The following ERMARD variants were observed in gnomAD, a reference collection of about 807,000 sequenced individuals.
ERMARD encodes the protein endoplasmic reticulum membrane-associated RNA degradation protein.
ERMARD carries 71 observed loss-of-function variants against 83.9 expected under a neutral mutation model. The observed-to-expected ratio is 0.85, with a 90% CI of 0.70 to 1.03. The LOEUF (loss-of-function observed/expected upper bound fraction) is 1.03. ERMARD is among the 50% of genes least tolerant of loss of function. The probability of loss-of-function intolerance (pLI) is 0.00; values close to 1 mark genes in which losing one functional copy is unlikely to be tolerated. For missense variants in ERMARD, 838 were observed against 810.9 expected (o/e 1.03, Z -0.41); for synonymous variants, 284 against 298.6 (o/e 0.95, Z 0.50).
At chr6:169,766,810 G>T in intron 10 of ERMARD, 143 bp downstream of exon 10, 2 of 871,800 alleles carry the variant, frequency 2.3e-6, no homozygotes, top group South Asian at 6.3e-5. Flanking sequence ...ACCAAAAAAA[G>T]CTGATAATTG....
In ERMARD at chr6:169,755,277, T is replaced by A. The variant is rs756209915; in HGVS notation, c.176-6T>A. On this transcript the variant is annotated splice_region_variant and splice_polypyrimidine_tract_variant and intron_variant, in intron 2 of 17. Transcript: ENST00000366773. The stretch of plus-strand genomic sequence containing the variant: ...GGTGCTGAAATTTGTTTTCTTATCC[T>A]TTAAGAGCAGGGTCTGGATTACTGG... The A allele has an allele frequency of 6.2e-7, 1 of 1,613,408 alleles. No individual in the cohort carries two copies. Among genetic ancestry groups the A allele is most frequent in the Non-Finnish European group, 8.5e-7 (1 of 1,179,790 alleles).
intron 16 of ERMARD, among the ~76,000 whole-genome samples, chr6:169,777,865 G>A (rs1046867266): frequency 6.6e-6 from 1 of 151,862 alleles, no homozygotes; most frequent in African/African-American, 2.4e-5. Context: ...TCGAGCACTT[G>A]TATGATTATG....
chr6:169,760,875 T>A, intron 8 of ERMARD, 119 bp downstream of exon 8: 1 of 622,080 alleles, frequency 1.6e-6, no homozygotes, highest in Non-Finnish European at 2.8e-6. Flanking sequence ...CTGGACTGAC[T>A]TGAGCAGACC....
intron 9 of ERMARD, among the ~76,000 whole-genome samples, 171 bp from the exon 10 acceptor site, chr6:169,766,467 G>C (rs1269306882): frequency 2.0e-5 from 3 of 152,116 alleles, no homozygotes; most frequent in Non-Finnish European, 4.4e-5. Context: ...TTTGTAATGT[G>C]TTTATTTTGT....
In ERMARD at chr6:169,753,931, G is replaced by A. The variant is rs1457376809; in HGVS notation, c.74G>A (p.Gly25Glu). The change falls in exon 2 of 18, where the codon GGG (glycine) becomes GAG (glutamate). Residue 25 changes from glycine (G) to glutamate (E), a missense_variant. Coordinates refer to ENST00000366773, the MANE Select transcript of ERMARD (RefSeq NM_018341.3). ...PSVYDIICNL[G>E]FQLRENCDIN... Reference sequence around the variant, plus strand: ...GTGTATGATATAATTTGTAATCTTGGGTTTCAACTCAGAGAAAATTGTGAT... The same window carrying A: ...GTGTATGATATAATTTGTAATCTTGAGTTTCAACTCAGAGAAAATTGTGAT... The A allele has an allele frequency of 6.2e-7, 1 of 1,612,926 alleles. No individual in the cohort carries two copies. Among genetic ancestry groups the A allele is most frequent in the Non-Finnish European group, 8.5e-7 (1 of 1,179,464 alleles).
intron 1 of ERMARD, 147 bp from the exon 2 acceptor site, chr6:169,753,717 A>G: frequency 2.0e-6 from 1 of 501,498 alleles, no homozygotes; most frequent in Non-Finnish European, 3.4e-6. Flanking sequence ...ACTATGTTTT[A>G]ATCATACAGC....
At chr6:169,751,564 G>T, upstream of ERMARD, 1 of 1,609,424 alleles carries the variant, frequency 6.2e-7, no homozygotes, top group Non-Finnish European at 8.5e-7. Context: ...GCCTCGTACG[G>T]TAGGAAGTGC....
chr6:169,776,667 G>A lies in ERMARD; in HGVS notation c.1733G>A (p.Trp578Ter), dbSNP rs750125522. The A allele has an allele frequency of 4.3e-6, 7 of 1,613,536 alleles. No individual in the cohort carries two copies. In the South Asian group the frequency reaches 7.7e-5, roughly 18 times the overall value. ...CAGCGGCAGAACTACCTGCGTATGTGGAGTAGGTGCGCGCTCACTTTCCTG... is the reference window on the plus strand; with the variant it reads ...CAGCGGCAGAACTACCTGCGTATGTAGAGTAGGTGCGCGCTCACTTTCCTG... ...SRQRQNYLRM[W>*]SSIRLLSPVL... Residue 578 changes from tryptophan (W) to a stop codon, truncating the protein, a stop_gained, in exon 16 of 18, where the codon TGG becomes TAG. Transcript: ENST00000366773. LOFTEE classifies it high-confidence loss of function.
intron 13 of ERMARD, among the ~76,000 whole-genome samples, chr6:169,774,670 C>G (rs1282795033): frequency 6.6e-6 from 1 of 152,216 alleles, no homozygotes; most frequent in Non-Finnish European, 1.5e-5. Context: ...GTGTCAGCAG[C>G]CACCGTTGTA....
In ERMARD at chr6:169,773,676, T is replaced by C. The variant is rs1793247053; in HGVS notation, c.1317+274T>C. 2.6e-5 allele frequency among the ~76,000 whole-genome samples: 4 copies of C among 152,360 alleles called. 1 individual carries two copies. In the Middle Eastern group the frequency reaches 0.014, roughly 518 times the overall value. ...GATGAGCACTGGGAAGTGTTTTTGCTGAGTCCCCTGGCAGGCTGTTATTGC... is the reference window on the plus strand; with the variant it reads ...GATGAGCACTGGGAAGTGTTTTTGCCGAGTCCCCTGGCAGGCTGTTATTGC... On this transcript the variant is annotated intron_variant, in intron 13 of 17. Transcript: ENST00000366773.
intron 6 of ERMARD, among the ~76,000 whole-genome samples, chr6:169,759,618 C>T (rs955463948): frequency 4.6e-5 from 7 of 152,192 alleles, no homozygotes; most frequent in Non-Finnish European, 1.0e-4. Context: ...GATAGGATTT[C>T]ACCTTGTTGC....
At chr6:169,766,248 T>C (rs1792192323) in intron 9 of ERMARD, among the ~76,000 whole-genome samples, 1 of 152,210 alleles carries the variant, frequency 6.6e-6, no homozygotes, top group Non-Finnish European at 1.5e-5. Flanking sequence ...TGAAATAAAA[T>C]AAAAACAGAC....
Position 169,760,683 on chromosome 6 carries a change from A to G in ERMARD, c.784A>G (p.Met262Val). ...GCTTTCAGTATTAGAAGAAGTGATGATGAAATCTGCTTTTATATTAAAAAT... is the reference window on the plus strand; with the variant it reads ...GCTTTCAGTATTAGAAGAAGTGATGGTGAAATCTGCTTTTATATTAAAAAT... ...EVLSVLEEVMMKSAFILKIML... is the reference protein window; with the variant it reads ...EVLSVLEEVMVKSAFILKIML... The change falls in exon 8 of 18, where the codon ATG (methionine) becomes GTG (valine). Residue 262 changes from methionine to valine, a missense_variant. Coordinates refer to ENST00000366773, the MANE Select transcript of ERMARD (RefSeq NM_018341.3). 1.2e-6 allele frequency: 2 copies of G among 1,613,892 alleles called. No individual in the cohort carries two copies. Among genetic ancestry groups the G allele is most frequent in the Non-Finnish European group, 8.5e-7 (1 of 1,179,808 alleles).
intron 16 of ERMARD, among the ~76,000 whole-genome samples, chr6:169,778,325 G>C (rs982628424): frequency 3.9e-5 from 6 of 152,164 alleles, no homozygotes; most frequent in African/African-American, 1.4e-4. Flanking sequence ...TTTGTAATTT[G>C]GGCATGTGGA....
intron 13 of ERMARD, among the ~76,000 whole-genome samples, chr6:169,774,332 G>C (rs1186758061): frequency 1.3e-5 from 2 of 152,220 alleles, no homozygotes; most frequent in Non-Finnish European, 1.5e-5. Context: ...GCATCGGGCT[G>C]TGCTGGTCAG....
At chr6:169,776,396 G>T in intron 15 of ERMARD, 59 bp from the exon 16 acceptor site, 1 of 1,576,824 alleles carries the variant, frequency 6.3e-7, no homozygotes, top group Non-Finnish European at 8.6e-7. Flanking sequence ...AGGTGCAGAA[G>T]GAGAGTGAGG....
At position 169,768,129 on chromosome 6, in the gene ERMARD, T is replaced by C; in HGVS notation, c.1017T>C (p.Gly339=). ...DQILAKHLND[G]KINQLPLFLG... ...TATTGGCAAAACACTTGAATGATGG[T>C]AAAATCAATCAGCTTCCTCTTTTCC... The change falls in exon 11 of 18, where the codon GGT becomes GGC. Residue 339 remains glycine, a synonymous_variant. Transcript: ENST00000366773. The C allele has an allele frequency of 6.2e-7, 1 of 1,614,136 alleles. No individual in the cohort carries two copies. Among genetic ancestry groups the C allele is most frequent in the Non-Finnish European group, 8.5e-7 (1 of 1,179,978 alleles).
chr6:169,777,040 G>A (rs542374622), intron 16 of ERMARD, among the ~76,000 whole-genome samples: 1 of 152,330 alleles, frequency 6.6e-6, no homozygotes, highest in African/African-American at 2.4e-5. Flanking sequence ...AAAATACAAA[G>A]GTGGGGGCCT....
rs1794188488 is a variant in ERMARD, at chr6:169,781,450, T to C, written c.1974T>C (p.Phe658=). 1 of 1,611,834 alleles carries C rather than the reference T, an allele frequency of 6.2e-7. No homozygotes were observed. The highest frequency in any genetic ancestry group is 8.5e-7 in the Non-Finnish European group (1 of 1,179,252). The part of the protein sequence containing the change: ...THTALLKMWT[F]SEKKQMLIHL... ...CAGCTTTGTTGAAAATGTGGACTTT[T>C]AGTGAGAAGAAACAAATGTTAATAC... Residue 658 remains phenylalanine, a synonymous_variant, in exon 18 of 18, where the codon TTT becomes TTC. Transcript: ENST00000366773.
Sources: allele counts gnomAD v4.1 joint callset (sites outside exome capture counted in the v4.1 genomes callset), GRCh38; gene constraint gnomAD v4.1.1; transcripts MANE v1.5; gene names NCBI Gene and HGNC (gene_info 2026-07-23, HGNC 2026-07-21).